The following FBXL2 variants were observed in gnomAD, a reference collection of about 807,000 sequenced individuals.
FBXL2 encodes the protein F-box and leucine rich repeat protein 2.
FBXL2 carries 38 observed loss-of-function variants against 69.2 expected under a neutral mutation model. The ratio of observed to expected loss-of-function variants is 0.55; its 90% CI spans 0.42 to 0.72. FBXL2 has a LOEUF of 0.72. Among genes scored for constraint, FBXL2 ranks in the 30% least tolerant of loss-of-function variants. FBXL2 has a pLI of 0.00. For missense variants in FBXL2, 354 were observed against 520.3 expected (o/e 0.68, Z 3.11); for synonymous variants, 192 against 201.3 (o/e 0.95, Z 0.39).
intron 1 of FBXL2, among the ~76,000 whole-genome samples, chr3:33,294,564 C>T (rs2035562358): frequency 6.6e-6 from 1 of 152,124 alleles, no homozygotes; most frequent in South Asian, 2.1e-4. Context: ...AAAGGCCAGG[C>T]ACAGTGCCTC....
At chr3:33,334,961 C>G (rs1375161934) in intron 2 of FBXL2, among the ~76,000 whole-genome samples, 1 of 151,884 alleles carries the variant, frequency 6.6e-6, no homozygotes, top group Non-Finnish European at 1.5e-5. Flanking sequence ...GTATGTCGGG[C>G]ATGGTGGTGC....
intron 2 of FBXL2, among the ~76,000 whole-genome samples, chr3:33,324,732 A>G (rs1357067911): frequency 6.6e-6 from 1 of 152,178 alleles, no homozygotes; most frequent in African/African-American, 2.4e-5. Context: ...GAAGTCGGGT[A>G]GTGTGATGCC....
the FBXL2 span, among the ~76,000 whole-genome samples, chr3:33,418,390 G>A: frequency 6.6e-6 from 1 of 151,980 alleles, no homozygotes; most frequent in Non-Finnish European, 1.5e-5. Context: ...GAGTACCTGG[G>A]ATTACAGGTG....
chr3:33,295,633 CT>C (rs2035661544), intron 1 of FBXL2, among the ~76,000 whole-genome samples: 1 of 152,116 alleles, frequency 6.6e-6, no homozygotes, highest in Non-Finnish European at 1.5e-5. Context: ...CATATGGTAA[CT>C]CTTTTTAACC....
In FBXL2 at chr3:33,375,384, C is replaced by T. The variant is rs202118285; in HGVS notation, c.754C>T (p.Leu252Phe). The T allele has an allele frequency of 6.2e-6, 10 of 1,614,198 alleles. No individual in the cohort carries two copies. Among genetic ancestry groups the T allele is most frequent in the South Asian group, 3.3e-5 (3 of 91,086 alleles). ...SGCSNLTDAS[L>F]TALGLNCPRL... is the part of the protein sequence containing the mutation. ...TTGCAGCAACCTCACAGATGCCTCTCTTACAGCCCTGGGTTTGAACTGTCC... is the reference window on the plus strand; with the variant it reads ...TTGCAGCAACCTCACAGATGCCTCTTTTACAGCCCTGGGTTTGAACTGTCC... Residue 252 changes from leucine to phenylalanine, a missense_variant, in exon 10 of 15, where the codon CTT becomes TTT. By Grantham distance (22) the Leu-to-Phe change is conservative. Transcript: ENST00000484457.
At chr3:33,380,589 A>T (rs1328112418) in intron 13 of FBXL2, among the ~76,000 whole-genome samples, 1 of 150,516 alleles carries the variant, frequency 6.6e-6, no homozygotes, top group Non-Finnish European at 1.5e-5. Flanking sequence ...CAGGAATATG[A>T]GAAAAATCCC....
At chr3:33,301,246 T>C (rs1202055431) in intron 2 of FBXL2, among the ~76,000 whole-genome samples, 1 of 152,212 alleles carries the variant, frequency 6.6e-6, no homozygotes, top group Non-Finnish European at 1.5e-5. Flanking sequence ...TTCCTAATCT[T>C]GTTGAATTCC....
At chr3:33,412,186 C>CAAAAAAAA in the FBXL2 span, among the ~76,000 whole-genome samples, 1 of 63,452 alleles carries the variant, frequency 1.6e-5, no homozygotes, top group Non-Finnish European at 3.2e-5. Context: ...AACTCCGTCT[C>CAAAAAAAA]AAAAAAAAAA....
At chr3:33,292,846 A>G (rs2035373919) in intron 1 of FBXL2, among the ~76,000 whole-genome samples, 1 of 152,178 alleles carries the variant, frequency 6.6e-6, no homozygotes, top group South Asian at 2.1e-4. Flanking sequence ...TGGCTATACT[A>G]ATATCAGACA....
chr3:33,416,778 T>C, the FBXL2 span: 1 of 1,613,456 alleles, frequency 6.2e-7, no homozygotes, highest in Non-Finnish European at 8.5e-7. Flanking sequence ...TTTCCATTGA[T>C]CTCAGGCATA....
chr3:33,413,379 C>A, the FBXL2 span, among the ~76,000 whole-genome samples: 1 of 151,230 alleles, frequency 6.6e-6, no homozygotes, highest in Admixed American at 6.6e-5. Context: ...AACCCCATCT[C>A]TACAAAAAAT....
chr3:33,351,703 C>G (rs1398562624), intron 2 of FBXL2, among the ~76,000 whole-genome samples: 5 of 152,144 alleles, frequency 3.3e-5, no homozygotes, highest in African/African-American at 9.7e-5. Flanking sequence ...GGTGAGGATT[C>G]AAAATGGTAC....
intron 2 of FBXL2, among the ~76,000 whole-genome samples, chr3:33,345,621 G>C (rs192683692): frequency 1.3e-5 from 2 of 152,152 alleles, no homozygotes; most frequent in East Asian, 3.9e-4. Flanking sequence ...AGGTTATATG[G>C]AACATTCACC....
At chr3:33,414,981 G>T in the FBXL2 span, among the ~76,000 whole-genome samples, 9 of 151,912 alleles carry the variant, frequency 5.9e-5, no homozygotes, top group Non-Finnish European at 1.3e-4. Context: ...TCATAATGAG[G>T]TGTCATTTTT....
downstream of FBXL2, chr3:33,392,708 C>CTCAA (rs1001447944): frequency 3.5e-5 from 43 of 1,227,804 alleles, no homozygotes; most frequent in Non-Finnish European, 4.5e-5. Context: ...CTCAAACAAA[C>CTCAA]ACAGGACTCA....
chr3:33,319,820 A>G (rs1168055591), intron 2 of FBXL2, among the ~76,000 whole-genome samples: 3 of 152,208 alleles, frequency 2.0e-5, no homozygotes, highest in Admixed American at 2.0e-4. Flanking sequence ...CAAGAAGGAA[A>G]TTAATGTCAT....
At chr3:33,351,659 G>A (rs1168402491) in intron 2 of FBXL2, among the ~76,000 whole-genome samples, 2 of 152,130 alleles carry the variant, frequency 1.3e-5, no homozygotes, top group East Asian at 3.8e-4. Flanking sequence ...TACTTTGTGA[G>A]CAACAGGAGC....
chr3:33,378,233 C>CTAT, intron 12 of FBXL2, 86 bp downstream of exon 12: 1 of 1,333,370 alleles, frequency 7.5e-7, no homozygotes, highest in Non-Finnish European at 1.1e-6. Flanking sequence ...CACTGACTCG[C>CTAT]TATCATCCTG....
chr3:33,378,157 C>G lies in FBXL2; in HGVS notation c.894+10C>G, dbSNP rs752381456. 58 of 1,613,788 alleles carry G rather than the reference C, an allele frequency of 3.6e-5. 1 individual carries two copies. The South Asian group carries it at 6.3e-4, about 17-fold the overall frequency. Reference sequence around the variant, plus strand: ...TGAAGAATGCATCCTGGTGAGTGGACTCCTGACAGCCCTGCAGGGCAGCCT... The same window carrying G: ...TGAAGAATGCATCCTGGTGAGTGGAGTCCTGACAGCCCTGCAGGGCAGCCT... On this transcript the variant is annotated intron_variant, in intron 12 of 14. Coordinates refer to ENST00000484457, the MANE Select transcript of FBXL2 (RefSeq NM_012157.5).
Sources: allele counts gnomAD v4.1 joint callset (sites outside exome capture counted in the v4.1 genomes callset), GRCh38; gene constraint gnomAD v4.1.1; transcripts MANE v1.5; gene names NCBI Gene and HGNC (gene_info 2026-07-23, HGNC 2026-07-21).